Variants in ZAN observed in about 807,000 individuals in gnomAD.
ZAN encodes zonadhesin (gene/pseudogene).
ZAN carries 260 observed loss-of-function variants against 286.2 expected under a neutral mutation model. That is an observed-to-expected ratio of 0.91 (90% CI 0.82 to 1.01). The LOEUF (loss-of-function observed/expected upper bound fraction) is 1.01. Among genes scored for constraint, ZAN ranks in the 50% least tolerant of loss-of-function variants. ZAN has a pLI of 0.00. For missense variants in ZAN, 3,410 were observed against 3,639.2 expected (o/e 0.94, Z 1.62); for synonymous variants, 1,368 against 1,417.5 (o/e 0.97, Z 0.79).
In ZAN at chr7:100,787,897, C is replaced by A. The variant is rs73411159; in HGVS notation, c.6988C>A (p.Gln2330Lys). 8.5e-4 allele frequency: 1,326 copies of A among 1,559,212 alleles called. 16 individuals are homozygous for A. In the African/African-American group the frequency reaches 0.016, roughly 19 times the overall value. ...GTCTGACTTCTTGGCAGAGTCTGAA[C>A]AATGCTCAGTCTATGGCGACCCCCG... is the stretch of plus-strand genomic sequence containing the variant. ...NSNCVSDKSE[Q>K]CSVYGDPRYL... is the part of the protein sequence containing the mutation. The change falls in exon 38 of 48, where the codon CAA becomes AAA. Residue 2330 changes from glutamine to lysine, a missense_variant. Physicochemically the swap from Gln to Lys is moderately conservative, Grantham distance 53. This residue lies in a region of ZAN where 1,289 missense variants were observed against 1,314.3 expected (regional missense o/e 0.98). Transcript: ENST00000613979.
rs778167706 is a variant in ZAN, at chr7:100,748,456, GT to G, written c.1238del (p.Phe413SerfsTer26). On this transcript the variant is annotated frameshift_variant, in exon 11 of 48. Coordinates refer to ENST00000613979, the MANE Select transcript of ZAN (RefSeq NM_003386.3). LOFTEE classifies it high-confidence loss of function. Reference sequence around the variant, plus strand: ...GTCCATGGCATGGGCCCTGCGGGAGGTTTCCCTAATGCAGGTGAGGAGATTG... The same window carrying G: ...GTCCATGGCATGGGCCCTGCGGGAGGTTCCCTAATGCAGGTGAGGAGATTG... ...GPVHGMGPAG[G>X]FPNAGGHYIY... The G allele has an allele frequency of 1.2e-5, 19 of 1,612,464 alleles. No homozygotes were observed. The South Asian group carries it at 2.1e-4, about 18-fold the overall frequency.
intron 31 of ZAN, among the ~76,000 whole-genome samples, chr7:100,774,116 C>G (rs1358019288): frequency 6.6e-6 from 1 of 152,206 alleles, no homozygotes; most frequent in African/African-American, 2.4e-5. Context: ...GGGCCAGACG[C>G]CATGGCTCAC....
rs1411400538 is a variant in ZAN at position 100,773,768 on chromosome 7, C to T, written c.5682C>T (p.Thr1894=). ...YTENTCTRLC[T]CSVHNNITCF... is the part of the protein sequence containing the mutation. ...AGAACACCTGCACCAGGCTCTGCAC[C>T]TGCTCCGTCCACAACAACATCACCT... Residue 1894 remains threonine (T), a synonymous_variant, in exon 31 of 48, where the codon ACC becomes ACT. Coordinates refer to ENST00000613979, the MANE Select transcript of ZAN (RefSeq NM_003386.3). The T allele has an allele frequency of 1.5e-5, 24 of 1,611,842 alleles. No homozygotes were observed. The highest frequency in any genetic ancestry group is 3.3e-5 in the Admixed American group (2 of 59,714).
At chr7:100,766,760 G>A (rs1810003800) in intron 24 of ZAN, 94 bp downstream of exon 24, 2 of 1,480,682 alleles carry the variant, frequency 1.4e-6, no homozygotes, top group South Asian at 1.4e-5. Context: ...CCAGACAGCT[G>A]AGTCTCCACC....
At chr7:100,795,053 T>C in intron 44 of ZAN, 143 bp from the exon 45 acceptor site, 1 of 1,022,770 alleles carries the variant, frequency 9.8e-7, no homozygotes, top group Non-Finnish European at 1.4e-6. Context: ...TGAGGCAGGG[T>C]TGGGAGCCAG....
rs144759253 is a variant in ZAN, at chr7:100,762,258, G to A, written c.3886G>A (p.Gly1296Ser). The A allele has an allele frequency of 1.0e-4, 168 of 1,613,524 alleles. No homozygotes were observed. In the African/African-American group the frequency reaches 1.5e-3, roughly 15 times the overall value. ...CTGTGGTTTGTGTGGGAACTATGAC[G>A]GCAACAGTGACAATGACCACCTGAA... ...KLCGLCGNYD[G>S]NSDNDHLKLD... is the part of the protein sequence containing the mutation. Residue 1296 changes from glycine to serine, a missense_variant, in exon 20 of 48, where the codon GGC (glycine) becomes AGC (serine). Gly to Ser is a moderately conservative substitution (Grantham distance 56). Transcript: ENST00000613979.
rs766959442 is a variant in ZAN, at chr7:100,766,647, C to T, written c.4593C>T (p.Ile1531=). The part of the protein sequence containing the change: ...AQEFCGQQDG[I]YGCHAQGAAT... ...AGTTCTGTGGCCAACAGGATGGTATCTATGGCTGCCATGCCCAAGGTGAGC... is the reference window on the plus strand; with the variant it reads ...AGTTCTGTGGCCAACAGGATGGTATTTATGGCTGCCATGCCCAAGGTGAGC... Residue 1531 remains isoleucine, a synonymous_variant, in exon 24 of 48, where the codon ATC becomes ATT. Coordinates refer to ENST00000613979, the MANE Select transcript of ZAN (RefSeq NM_003386.3). The T allele has an allele frequency of 6.4e-7, 1 of 1,567,058 alleles. No homozygotes were observed. The highest frequency in any genetic ancestry group is 8.6e-7 in the Non-Finnish European group (1 of 1,156,236).
intron 14 of ZAN, among the ~76,000 whole-genome samples, chr7:100,754,589 T>C (rs62483593): frequency 0.59 from 88,967 of 151,368 alleles, 29,117 homozygotes; most frequent in East Asian, 0.96. Context: ...CTGCAACCTC[T>C]GCCTCTGGGG....
Position 100,775,726 on chromosome 7 carries a change from A to T in ZAN, c.6085A>T (p.Lys2029Ter), listed in dbSNP as rs766464566. The change falls in exon 33 of 48, where the codon AAG becomes TAG. Residue 2029 changes from lysine (K) to a stop codon, truncating the protein, a stop_gained. Transcript: ENST00000613979. LOFTEE classifies it high-confidence loss of function. ...AISQIPGVSV[K>*]SSSIYSIVNI... ...CTCCCAGATCCCTGGGGTCAGTGTC[A>T]AGTCCAGCAGCATCTACAGCATTGT... 1.2e-6 allele frequency: 2 copies of T among 1,613,654 alleles called. No homozygotes were observed. Among genetic ancestry groups the T allele is most frequent in the Non-Finnish European group, 1.7e-6 (2 of 1,179,850 alleles).
At position 100,791,956 on chromosome 7, in the gene ZAN, T is replaced by C. The variant is rs1231624962; in HGVS notation, c.7530-10T>C. 8.1e-6 allele frequency: 13 copies of C among 1,605,104 alleles called. No individual in the cohort carries two copies. Among genetic ancestry groups the C allele is most frequent in the Non-Finnish European group, 1.1e-5 (13 of 1,175,566 alleles). Reference sequence around the variant, plus strand: ...GGCCTCACCTGACCCCGTGGCTGTCTCTACTGCAGGGCTATACCAGCGGAG... The same window carrying C: ...GGCCTCACCTGACCCCGTGGCTGTCCCTACTGCAGGGCTATACCAGCGGAG... On this transcript the variant is annotated splice_polypyrimidine_tract_variant and intron_variant, in intron 40 of 47. Coordinates refer to ENST00000613979, the MANE Select transcript of ZAN (RefSeq NM_003386.3).
chr7:100,750,760 G>A lies in ZAN; in HGVS notation c.1385G>A (p.Gly462Asp), dbSNP rs540055019. ...TACCACATGTATGGCCTTGGGGAGG[G>A]TACTATGCTCGAACTCCTCCTGGGA... The part of the protein sequence containing the change: ...FAYHMYGLGE[G>D]TMLELLLGSP... The change falls in exon 12 of 48, where the codon GGT (glycine) becomes GAT (aspartate). Residue 462 changes from glycine (G) to aspartate (D), a missense_variant. Physicochemically the swap from Gly to Asp is moderately conservative, Grantham distance 94 (BLOSUM62 -1). Around this residue, in one of 7 missense-constraint regions of ZAN, gnomAD observed 872 missense variants for 938.9 expected, o/e 0.93. Transcript: ENST00000613979. The A allele has an allele frequency of 6.2e-7, 1 of 1,613,190 alleles. No individual in the cohort carries two copies. Among genetic ancestry groups the A allele is most frequent in the Admixed American group, 1.7e-5 (1 of 59,836 alleles).
Position 100,736,532 on chromosome 7 carries a change from C to T in ZAN, c.156C>T (p.Asp52=), listed in dbSNP as rs190206516. The T allele has an allele frequency of 6.6e-7, 1 of 1,523,894 alleles. No individual in the cohort carries two copies. The highest frequency in any genetic ancestry group is 2.3e-5 in the East Asian group (1 of 43,902). 94.4% of individuals were successfully genotyped at this position (1,523,894 alleles called of 1,614,324 possible). A position where few individuals can be genotyped will look rare whatever the true frequency, so the allele number is the denominator to read the frequency against. ...AGGATGACGCCAAACCCCTCTGTGACTGGTCCCAAGTGTCCGCAGACGATG... is the reference window on the plus strand; with the variant it reads ...AGGATGACGCCAAACCCCTCTGTGATTGGTCCCAAGTGTCCGCAGACGATG... The part of the protein sequence containing the change: ...DFEDDAKPLC[D]WSQVSADDED... Residue 52 remains aspartate (D), a synonymous_variant, in exon 4 of 48, where the codon GAC becomes GAT. Transcript: ENST00000613979.
intron 34 of ZAN, 64 bp downstream of exon 34, chr7:100,776,628 TGCC>T: frequency 2.2e-6 from 3 of 1,339,340 alleles, no homozygotes; most frequent in Non-Finnish European, 2.9e-6. Flanking sequence ...TCTTTCTTTC[TGCC>T]TTCCCTTCCC....
intron 41 of ZAN, 41 bp from the exon 42 acceptor site, chr7:100,792,364 C>G (rs1812033725): frequency 6.4e-7 from 1 of 1,565,742 alleles, no homozygotes; most frequent in Non-Finnish European, 8.7e-7. Context: ...TCCTCCCCTC[C>G]CCAAACTGAC....
chr7:100,760,910 T>C (rs935346997), intron 19 of ZAN, among the ~76,000 whole-genome samples: 6 of 152,126 alleles, frequency 3.9e-5, no homozygotes, highest in Non-Finnish European at 7.3e-5. Flanking sequence ...TCTTCTTTTT[T>C]TTGAGACAGG....
intron 31 of ZAN, among the ~76,000 whole-genome samples, chr7:100,774,749 C>A (rs1810631250): frequency 6.6e-6 from 1 of 151,610 alleles, no homozygotes; most frequent in African/African-American, 2.4e-5. Context: ...CCACTTGAGC[C>A]CAGGAGTTTG....
chr7:100,766,386 G>T, intron 23 of ZAN, 139 bp from the exon 24 acceptor site: 11 of 1,103,064 alleles, frequency 1.0e-5, no homozygotes, highest in Non-Finnish European at 1.1e-5. Flanking sequence ...GAATCTCGGA[G>T]CTTCAGGAAG....
At position 100,748,212 on chromosome 7, in the gene ZAN, G is replaced by T. The variant is rs370737759; in HGVS notation, c.1099G>T (p.Gly367Trp). 7 of 1,613,910 alleles carry T rather than the reference G, an allele frequency of 4.3e-6. No homozygotes were observed. Among genetic ancestry groups the T allele is most frequent in the Admixed American group, 1.7e-5 (1 of 59,990 alleles). Reference protein sequence around the residue: ...AVDATSIAPCGEGFPQCDFED... With the variant: ...AVDATSIAPCWEGFPQCDFED... ...TGATGCAACCAGCATTGCTCCTTGT[G>T]GGGGTGAGAGCAGGCCCTGAGAGGC... Residue 367 changes from glycine to tryptophan, a missense_variant, in exon 10 of 48, where the codon GGG becomes TGG. This residue lies in a region of ZAN where 872 missense variants were observed against 938.9 expected (regional missense o/e 0.93). Transcript: ENST00000613979.
chr7:100,750,087 C>CACACAT (rs535918075), intron 11 of ZAN, among the ~76,000 whole-genome samples: 5,714 of 150,412 alleles, frequency 0.038, 128 homozygotes, highest in Middle Eastern at 0.1. Flanking sequence ...CACACACACA[C>CACACAT]ACACACACAC....
Sources: allele counts gnomAD v4.1 joint callset (sites outside exome capture counted in the v4.1 genomes callset), GRCh38; gene constraint gnomAD v4.1.1; regional missense constraint gnomAD v4.1.1; transcripts MANE v1.5; gene names NCBI Gene and HGNC (gene_info 2026-07-23, HGNC 2026-07-21).